Variants in CFAP44 observed in about 807,000 individuals in gnomAD.
CFAP44 encodes the protein cilia and flagella associated protein 44.
In CFAP44, 134 loss-of-function variants were observed where a neutral mutation model predicts 216.2. That is an observed-to-expected ratio of 0.62 (90% CI 0.54 to 0.72). The LOEUF is 0.72. Among genes scored for constraint, CFAP44 ranks in the 30% least tolerant of loss-of-function variants. CFAP44 has a pLI of 0.00. For synonymous variants in CFAP44, 700 were observed against 727.6 expected, an observed-to-expected ratio of 0.96 and a Z score of 0.61; for missense variants, 2,035 against 2,182.1, an observed-to-expected ratio of 0.93 and a Z score of 1.34.
chr3:113,328,133 C>G (rs1576549973), intron 26 of CFAP44, among the ~76,000 whole-genome samples: 2 of 151,782 alleles, frequency 1.3e-5, no homozygotes, highest in East Asian at 3.9e-4. Flanking sequence ...GGTAGTGTTT[C>G]TATCTGTCTC....
chr3:113,379,948 C>G (rs1372128297), intron 16 of CFAP44, among the ~76,000 whole-genome samples: 1 of 152,106 alleles, frequency 6.6e-6, no homozygotes, highest in Non-Finnish European at 1.5e-5. Context: ...TTGCAAAAGC[C>G]CTCTGACACT....
intron 1 of CFAP44, chr3:113,434,030 T>G: frequency 5.3e-6 from 1 of 188,616 alleles, no homozygotes; most frequent in Non-Finnish European, 1.1e-5. Context: ...TATTTTCAAA[T>G]TCCCTTGGAG....
At chr3:113,395,898 C>T (rs1225249401) in intron 14 of CFAP44, 38 bp from the exon 15 acceptor site, 4 of 1,475,270 alleles carry the variant, frequency 2.7e-6, no homozygotes, top group Non-Finnish European at 3.8e-6. Context: ...ATATATATTA[C>T]TATGAAATCT....
intron 13 of CFAP44, among the ~76,000 whole-genome samples, chr3:113,399,010 C>A (rs1463133782): frequency 1.3e-5 from 2 of 152,164 alleles, no homozygotes; most frequent in African/African-American, 2.4e-5. Context: ...ACAGTTGGAA[C>A]ACTAGATCTT....
At chr3:113,437,461 G>A (rs9874749) in intron 1 of CFAP44, among the ~76,000 whole-genome samples, 60,596 of 151,976 alleles carry the variant, frequency 0.4, 12,167 homozygotes, top group East Asian at 0.54. Flanking sequence ...GTCTCAAGAC[G>A]AAAGCACCAC....
chr3:113,373,391 CT>C lies in CFAP44; in HGVS notation c.2444+19del, dbSNP rs112873023. ...CTAACAGGATATGGTTTTTTTAAAG[CT>C]TTTTGAAATACTGCTCACTTGAAAG... On this transcript the variant is annotated intron_variant, in intron 18 of 34. Coordinates refer to ENST00000393845, the MANE Select transcript of CFAP44 (RefSeq NM_001164496.2). 0.031 allele frequency: 46,236 copies of C among 1,514,220 alleles called. 1,138 individuals carry two copies. Among genetic ancestry groups the C allele is most frequent in the African/African-American group, 0.12 (8,561 of 71,612 alleles). 93.8% of individuals were successfully genotyped at this position (1,514,220 alleles called of 1,614,324 possible). A position where few individuals can be genotyped will look rare whatever the true frequency, so the allele number is the denominator to read the frequency against.
chr3:113,409,111 G>A lies in CFAP44; in HGVS notation c.885C>T (p.His295=). 1 of 1,589,006 alleles carries A rather than the reference G, an allele frequency of 6.3e-7. No individual in the cohort carries two copies. The highest frequency in any genetic ancestry group is 8.6e-7 in the Non-Finnish European group (1 of 1,164,916). The change falls in exon 7 of 35, where the codon CAC becomes CAT. Residue 295 remains histidine, a synonymous_variant. Transcript: ENST00000393845. ...CTATTGGTTACCCAACCTACTTGAT[G>A]TGGCCTGATCCCGATGTAGTAAGCT... The part of the protein sequence containing the change: ...EEQLTTSGSG[H]IKFWEMAFTF...
At chr3:113,332,600 A>G (rs1356860002) in intron 25 of CFAP44, among the ~76,000 whole-genome samples, 2 of 152,204 alleles carry the variant, frequency 1.3e-5, no homozygotes, top group Non-Finnish European at 2.9e-5. Context: ...GATGACCTTT[A>G]AGCCTTTAAG....
intron 15 of CFAP44, among the ~76,000 whole-genome samples, chr3:113,394,299 G>T (rs1014566546): frequency 6.6e-6 from 1 of 152,068 alleles, no homozygotes; most frequent in Admixed American, 6.6e-5. Flanking sequence ...CTTCTTTAAT[G>T]TCACACCTAC....
At chr3:113,324,792 C>A (rs979076180) in intron 28 of CFAP44, among the ~76,000 whole-genome samples, 1 of 152,070 alleles carries the variant, frequency 6.6e-6, no homozygotes, top group African/African-American at 2.4e-5. Context: ...TATTTGCAGA[C>A]GAAATTATTA....
At chr3:113,387,237 T>C (rs1559932160) in intron 15 of CFAP44, among the ~76,000 whole-genome samples, 1 of 152,174 alleles carries the variant, frequency 6.6e-6, no homozygotes, top group Non-Finnish European at 1.5e-5. Flanking sequence ...GTGCCACCTC[T>C]TGCCCAACCC....
At chr3:113,345,403 A>G (rs565473933) in intron 22 of CFAP44, among the ~76,000 whole-genome samples, 2 of 152,224 alleles carry the variant, frequency 1.3e-5, no homozygotes, top group South Asian at 2.1e-4. Flanking sequence ...GTGTATATAT[A>G]TGTGTGTGTT....
intron 13 of CFAP44, among the ~76,000 whole-genome samples, chr3:113,397,793 GGT>G (rs1209807667): frequency 6.6e-6 from 1 of 152,094 alleles, no homozygotes; most frequent in Admixed American, 6.6e-5. Context: ...AAGGGAGCCA[GGT>G]GTGTGTGTGG....
chr3:113,310,283 A>C (rs1950025684), intron 28 of CFAP44, among the ~76,000 whole-genome samples: 1 of 152,224 alleles, frequency 6.6e-6, no homozygotes, highest in Admixed American at 6.5e-5. Context: ...GAAGAACATT[A>C]ATAGAGAATC....
rs1413203830 is a variant in CFAP44, at chr3:113,288,175, G to A, written c.*3382C>T. The A allele has an allele frequency of 6.6e-6, 1 of 152,152 alleles. No individual in the cohort carries two copies. The highest frequency in any genetic ancestry group is 1.5e-5 in the Non-Finnish European group (1 of 68,040). 9.4% of individuals were successfully genotyped at this position (152,152 alleles called of 1,614,324 possible). ...CTCGTTAAGTGGGGGGCCAGACCCT[G>A]GCTTTTAAACATGAAGAATTTGATA... is the stretch of plus-strand genomic sequence containing the variant. On this transcript the variant is annotated 3_prime_UTR_variant, in exon 35 of 35. Transcript: ENST00000393845.
intron 28 of CFAP44, among the ~76,000 whole-genome samples, chr3:113,319,551 ACT>A (rs1298105035): frequency 6.6e-6 from 1 of 151,328 alleles, no homozygotes; most frequent in Non-Finnish European, 1.5e-5. Context: ...TAACAAAAAA[ACT>A]CTGGACTTAA....
rs975355012 is a variant in CFAP44 at position 113,441,440 on chromosome 3, GGT to G, written c.-6+11_-6+12del. On this transcript the variant is annotated intron_variant, in intron 1 of 34. Transcript: ENST00000393845. ...GGGTGTGGAAACTGCCGGCTGCTGA[GGT>G]CCAAACTCACCGAAGGTACTGACCG... The G allele has an allele frequency of 1.0e-5, 10 of 985,660 alleles. No homozygotes were observed. The African/African-American group carries it at 1.7e-4, about 17-fold the overall frequency. 61.1% of individuals were successfully genotyped at this position (985,660 alleles called of 1,614,324 possible). A position where few individuals can be genotyped will look rare whatever the true frequency, so the allele number is the denominator to read the frequency against.
At chr3:113,423,491 C>T (rs1195681865) in intron 4 of CFAP44, among the ~76,000 whole-genome samples, 1 of 152,088 alleles carries the variant, frequency 6.6e-6, no homozygotes, top group Admixed American at 6.6e-5. Context: ...TAGTAGAGTT[C>T]TGAAAATCTT....
intron 32 of CFAP44, among the ~76,000 whole-genome samples, chr3:113,302,772 C>CAAAAAAAAAAAAA (rs57355375): frequency 2.2e-5 from 1 of 44,488 alleles, no homozygotes; most frequent in African/African-American, 8.3e-5. Context: ...GACTCCATCT[C>CAAAAAAAAAAAAA]AAAAAAAAAA....
Sources: gnomAD v4.1 joint callset for allele counts (sites outside exome capture counted in the v4.1 genomes callset) on GRCh38, gnomAD v4.1.1 for gene constraint, MANE v1.5 for transcripts, NCBI Gene and HGNC (gene_info 2026-07-23, HGNC 2026-07-21) for gene names.